Variants in UBXN8 observed in about 807,000 individuals in gnomAD.
UBXN8 encodes UBX domain-containing protein 8.
UBXN8 carries 27 observed loss-of-function variants against 32.1 expected under a neutral mutation model. The ratio of observed to expected loss-of-function variants is 0.84; its 90% CI spans 0.62 to 1.16. UBXN8 has a LOEUF of 1.16. Ranked by LOEUF, UBXN8 falls within the 50% of genes most tolerant of loss-of-function variation. UBXN8 has a pLI of 0.00. For synonymous variants in UBXN8, 109 were observed against 111.8 expected, an observed-to-expected ratio of 0.98 and a Z score of 0.16; for missense variants, 306 against 311.4, an observed-to-expected ratio of 0.98 and a Z score of 0.13.
At chr8:30,757,642 C>G (rs536249480) in intron 5 of UBXN8, among the ~76,000 whole-genome samples, 1 of 149,464 alleles carries the variant, frequency 6.7e-6, no homozygotes, top group Non-Finnish European at 1.5e-5. Flanking sequence ...GGGTGGATCA[C>G]GAGGTCACGA....
At chr8:30,760,443 A>ATATATATATATATTTT (rs1196366158) in intron 5 of UBXN8, among the ~76,000 whole-genome samples, 5 of 91,116 alleles carry the variant, frequency 5.5e-5, no homozygotes, top group African/African-American at 2.0e-4. Flanking sequence ...ATATATATAT[A>ATATATATATATATTTT]TTTTTTTTTT....
intron 2 of UBXN8, among the ~76,000 whole-genome samples, 162 bp from the exon 3 acceptor site, chr8:30,752,873 G>T (rs570337671): frequency 2.6e-5 from 4 of 152,254 alleles, no homozygotes; most frequent in South Asian, 4.1e-4. Context: ...ATCCTAAAAG[G>T]TTATACTATT....
At chr8:30,761,977 G>A (rs1301118972) in intron 6 of UBXN8, among the ~76,000 whole-genome samples, 2 of 151,372 alleles carry the variant, frequency 1.3e-5, no homozygotes, top group African/African-American at 4.9e-5. Flanking sequence ...TACGTGTCTT[G>A]AAAGCCATTA....
intron 1 of UBXN8, among the ~76,000 whole-genome samples, chr8:30,737,229 A>G (rs1805085619): frequency 6.6e-6 from 1 of 150,560 alleles, no homozygotes; most frequent in Non-Finnish European, 1.5e-5. Context: ...TGCTTGTGTT[A>G]CCTTCTGCTT....
chr8:30,764,024 T>C (rs1805932519), intron 7 of UBXN8, among the ~76,000 whole-genome samples: 1 of 152,080 alleles, frequency 6.6e-6, no homozygotes, highest in Non-Finnish European at 1.5e-5. Flanking sequence ...ATACTGTGGT[T>C]GTTAGTGATA....
chr8:30,731,032 C>T (rs777534098), upstream of UBXN8, among the ~76,000 whole-genome samples: 2 of 152,202 alleles, frequency 1.3e-5, no homozygotes, highest in African/African-American at 2.4e-5. Flanking sequence ...AGGGGGGCCC[C>T]GGGAAAGAAA....
rs1430499284 is a variant in UBXN8 at position 30,747,354 on chromosome 8, A to G, written c.88+3077A>G. Among the ~76,000 whole-genome samples, 2 of 90,650 alleles carry G rather than the reference A, an allele frequency of 2.2e-5. 1 individual carries two copies. The allele number at this position is 90,650 out of a possible 152,430, so 59.5% of individuals were successfully genotyped here. A position where few individuals can be genotyped will look rare whatever the true frequency, so the allele number is the denominator to read the frequency against. Reference sequence around the variant, plus strand: ...GAGACAGAGTCTTACTCTGTTGCCCACGCAGGAGTGCAGTGGCACAATCTC... The same window carrying G: ...GAGACAGAGTCTTACTCTGTTGCCCGCGCAGGAGTGCAGTGGCACAATCTC... On this transcript the variant is annotated intron_variant, in intron 1 of 7. Coordinates refer to ENST00000265616, the MANE Select transcript of UBXN8 (RefSeq NM_005671.4).
At chr8:30,729,846 C>A (rs529545190), upstream of UBXN8, among the ~76,000 whole-genome samples, 41 of 152,308 alleles carry the variant, frequency 2.7e-4, 3 homozygotes, top group South Asian at 8.3e-3. Flanking sequence ...TAAGTCAGGA[C>A]ACTCAGACCA....
At chr8:30,736,675 G>C (rs1805076537) in intron 1 of UBXN8, among the ~76,000 whole-genome samples, 1 of 152,136 alleles carries the variant, frequency 6.6e-6, no homozygotes, top group Non-Finnish European at 1.5e-5. Flanking sequence ...GTTTTACCGT[G>C]TTGGCCAGGC....
chr8:30,753,500 A>G lies in UBXN8; in HGVS notation c.282+395A>G, dbSNP rs527758299. Reference sequence around the variant, plus strand: ...TTAAACTCCTGACCTCAGGTGATCCACCTGCCTCGGCCTCCCAAAATGCTG... The same window carrying G: ...TTAAACTCCTGACCTCAGGTGATCCGCCTGCCTCGGCCTCCCAAAATGCTG... On this transcript the variant is annotated intron_variant, in intron 3 of 7. Coordinates refer to ENST00000265616, the MANE Select transcript of UBXN8 (RefSeq NM_005671.4). 2.0e-4 allele frequency among the ~76,000 whole-genome samples: 31 copies of G among 152,038 alleles called. No individual in the cohort carries two copies. The East Asian group carries it at 6.0e-3, about 29-fold the overall frequency.
intron 2 of UBXN8, among the ~76,000 whole-genome samples, chr8:30,752,198 A>G (rs1259689504): frequency 2.0e-5 from 3 of 152,210 alleles, no homozygotes; most frequent in Non-Finnish European, 4.4e-5. Context: ...CCAATCTACC[A>G]TTAATCTTGA....
At chr8:30,747,969 C>T (rs79986061) in intron 1 of UBXN8, among the ~76,000 whole-genome samples, 1 of 112,950 alleles carries the variant, frequency 8.9e-6, no homozygotes, top group East Asian at 2.4e-4. Flanking sequence ...TTCTTAACAG[C>T]ATTTAAGTCT....
intron 5 of UBXN8, among the ~76,000 whole-genome samples, chr8:30,760,446 T>TTA (rs1805804811): frequency 7.2e-6 from 1 of 138,432 alleles, no homozygotes; most frequent in Admixed American, 7.3e-5. Flanking sequence ...TATATATATT[T>TTA]TTTTTTTTTT....
intron 7 of UBXN8, among the ~76,000 whole-genome samples, chr8:30,764,824 A>G (rs1805954321): frequency 1.3e-5 from 2 of 152,072 alleles, no homozygotes; most frequent in Admixed American, 1.3e-4. Context: ...GGCTGAGGCA[A>G]GCGGATCATG....
chr8:30,750,397 C>T (rs985301827), intron 1 of UBXN8, among the ~76,000 whole-genome samples: 1 of 152,032 alleles, frequency 6.6e-6, no homozygotes, highest in African/African-American at 2.4e-5. Flanking sequence ...CTCCTTGAGC[C>T]CCAGGAGGTT....
At chr8:30,745,964 T>C (rs1805347936) in intron 1 of UBXN8, among the ~76,000 whole-genome samples, 1 of 152,196 alleles carries the variant, frequency 6.6e-6, no homozygotes, top group African/African-American at 2.4e-5. Flanking sequence ...TTGCCCAGGC[T>C]GGTCTGGAAC....
Position 30,749,118 on chromosome 8 carries a change from G to A in UBXN8, c.89-2278G>A, listed in dbSNP as rs564024467. The stretch of plus-strand genomic sequence containing the variant: ...TAATATAACACCAAATACTGGCTGG[G>A]TGCGGTGGCTCATGCCTGTAATCCC... On this transcript the variant is annotated intron_variant, in intron 1 of 7. Transcript: ENST00000265616. Among the ~76,000 whole-genome samples, 8 of 152,202 alleles carry A rather than the reference G, an allele frequency of 5.3e-5. No individual in the cohort carries two copies. The South Asian group carries it at 1.7e-3, about 32-fold the overall frequency.
At chr8:30,766,003 C>T (rs1258289071) in intron 7 of UBXN8, among the ~76,000 whole-genome samples, 1 of 93,326 alleles carries the variant, frequency 1.1e-5, no homozygotes, top group Non-Finnish European at 2.3e-5. Context: ...GAGCGAGACT[C>T]CCATCTCAAA....
At chr8:30,731,028 G>GC (rs1273735926), upstream of UBXN8, among the ~76,000 whole-genome samples, 2 of 152,240 alleles carry the variant, frequency 1.3e-5, no homozygotes, top group Non-Finnish European at 1.5e-5. Flanking sequence ...GGGAAGGGGG[G>GC]CCCCGGGAAA....
Sources: gnomAD v4.1 joint callset for allele counts (sites outside exome capture counted in the v4.1 genomes callset) on GRCh38, gnomAD v4.1.1 for gene constraint, MANE v1.5 for transcripts, NCBI Gene and HGNC (gene_info 2026-07-23, HGNC 2026-07-21) for gene names.